CTPS2: variants seen among roughly 807,000 people sequenced by gnomAD.
CTPS2 encodes the protein CTP synthase 2.
In CTPS2, 19 loss-of-function variants were observed where a neutral mutation model predicts 46.8. The ratio of observed to expected loss-of-function variants is 0.41; its 90% confidence interval spans 0.28 to 0.60. CTPS2 has a LOEUF of 0.60. Among genes scored for constraint, CTPS2 ranks in the 20% least tolerant of loss-of-function variants. The probability of loss-of-function intolerance (pLI) is 0.35; values close to 1 mark genes in which losing one functional copy is unlikely to be tolerated. For synonymous variants in CTPS2, 151 were observed against 165.2 expected (o/e 0.91, Z 0.66); for missense variants, 286 against 447.6 (o/e 0.64, Z 3.26).
intron 14 of CTPS2, chrX:16,638,936 T>C (rs1191529939): frequency 3.7e-6 from 2 of 535,147 alleles, no homozygotes; most frequent in African/African-American, 4.5e-5. Context: ...TGTGTTCTAC[T>C]GAGGCCAGCC....
intron 10 of CTPS2, among the ~76,000 whole-genome samples, chrX:16,675,561 C>T (rs748168717): frequency 1.8e-5 from 2 of 111,813 alleles, no homozygotes; most frequent in South Asian, 3.7e-4. Flanking sequence ...AATATGAATT[C>T]GTGTATGTTA....
chrX:16,699,938 T>C (rs1334479257), intron 2 of CTPS2, among the ~76,000 whole-genome samples: 1 of 109,990 alleles, frequency 9.1e-6, no homozygotes, highest in Non-Finnish European at 1.9e-5. Context: ...ATTTTTTTTT[T>C]CAATGTTTTT....
chrX:16,631,140 G>A (rs2147225507), intron 14 of CTPS2, among the ~76,000 whole-genome samples: 1 of 111,623 alleles, frequency 9.0e-6, no homozygotes, highest in African/African-American at 3.3e-5. Flanking sequence ...CCTGAGGTCA[G>A]AAGTTTGAGA....
intron 10 of CTPS2, among the ~76,000 whole-genome samples, chrX:16,676,839 A>G (rs1255931215): frequency 9.0e-6 from 1 of 111,254 alleles, no homozygotes; most frequent in African/African-American, 3.3e-5. Flanking sequence ...AGGCGGGTGG[A>G]TAACGAGGTC....
intron 8 of CTPS2, among the ~76,000 whole-genome samples, chrX:16,685,942 C>T (rs1324530733): frequency 1.8e-5 from 2 of 108,882 alleles, no homozygotes; most frequent in Non-Finnish European, 3.8e-5. Context: ...ACTTCGGGTC[C>T]CAGGCAAGCT....
Position 16,609,709 on chromosome X carries a change from C to T in CTPS2, c.1547-24G>A, listed in dbSNP as rs762481933. On this transcript the variant is annotated intron_variant, in intron 16 of 18. Coordinates refer to ENST00000359276, the MANE Select transcript of CTPS2 (RefSeq NM_175859.3). ...ATCTGAAATGAGAACAATCACGATG[C>T]GATTAAAGCAGACAAACAGGAGAAC... 20 of 1,174,913 alleles carry T rather than the reference C, an allele frequency of 1.7e-5. No homozygotes were observed. The South Asian group carries it at 2.8e-4, about 16-fold the overall frequency.
chrX:16,644,711 T>G (rs1251434246), intron 13 of CTPS2, among the ~76,000 whole-genome samples: 2 of 112,283 alleles, frequency 1.8e-5, no homozygotes, highest in African/African-American at 3.2e-5. Context: ...CCAACCCACT[T>G]TATATCTCTG....
intron 1 of CTPS2, among the ~76,000 whole-genome samples, chrX:16,704,781 C>G (rs1015474822): frequency 9.1e-6 from 1 of 110,378 alleles, no homozygotes; most frequent in African/African-American, 3.3e-5. Context: ...AACCCCGTCT[C>G]TACTAAAAAT....
At chrX:16,651,941 C>T (rs1056734102) in intron 13 of CTPS2, among the ~76,000 whole-genome samples, 5 of 109,062 alleles carry the variant, frequency 4.6e-5, no homozygotes, top group Non-Finnish European at 7.6e-5. Flanking sequence ...ACCACTGAAA[C>T]GTGTTCTTGC....
chrX:16,703,429 C>T (rs1323008434), intron 1 of CTPS2, among the ~76,000 whole-genome samples: 1 of 110,134 alleles, frequency 9.1e-6, no homozygotes, highest in Non-Finnish European at 1.9e-5. Flanking sequence ...CTTCTGGGCT[C>T]AAGCAATCCT....
At chrX:16,590,054 G>T (rs926208380) in intron 18 of CTPS2, among the ~76,000 whole-genome samples, 1 of 112,046 alleles carries the variant, frequency 8.9e-6, no homozygotes, top group Non-Finnish European at 1.9e-5. Flanking sequence ...GGCAATCCAG[G>T]CACTATCTGC....
intron 17 of CTPS2, among the ~76,000 whole-genome samples, chrX:16,596,242 C>T (rs764116334): frequency 8.0e-4 from 87 of 108,949 alleles, no homozygotes; most frequent in African/African-American, 2.9e-3. Flanking sequence ...GCACAATGTG[C>T]AGGTTAGTTA....
intron 14 of CTPS2, among the ~76,000 whole-genome samples, chrX:16,629,179 G>C (rs1931330494): frequency 8.9e-6 from 1 of 112,547 alleles, no homozygotes; most frequent in Non-Finnish European, 1.9e-5. Flanking sequence ...AAGTGATGAG[G>C]ACAAGTGCTT....
At chrX:16,600,028 C>A (rs919151589) in intron 17 of CTPS2, among the ~76,000 whole-genome samples, 1 of 112,365 alleles carries the variant, frequency 8.9e-6, no homozygotes, top group African/African-American at 3.2e-5. Context: ...ATCCGCCCGC[C>A]TCGGCTTCCC....
At chrX:16,710,967 A>G (rs1925424166) in intron 1 of CTPS2, among the ~76,000 whole-genome samples, 1 of 112,256 alleles carries the variant, frequency 8.9e-6, no homozygotes, top group African/African-American at 3.2e-5. Flanking sequence ...TCAAAGGTTC[A>G]GGGAAAGGCT....
chrX:16,703,572 A>G (rs927494168), intron 1 of CTPS2, among the ~76,000 whole-genome samples: 4 of 111,605 alleles, frequency 3.6e-5, no homozygotes, highest in Admixed American at 1.9e-4. Flanking sequence ...GGCTCAAGCA[A>G]TCCTCTTGCC....
chrX:16,680,499 G>A (rs966951327), intron 9 of CTPS2, among the ~76,000 whole-genome samples: 13 of 103,278 alleles, frequency 1.3e-4, no homozygotes, highest in African/African-American at 4.7e-4. Context: ...AGGTTGCAGT[G>A]AGCCAAGATC....
intron 7 of CTPS2, among the ~76,000 whole-genome samples, chrX:16,691,092 G>A (rs1456452691): frequency 2.7e-5 from 3 of 112,388 alleles, no homozygotes; most frequent in Admixed American, 9.4e-5. Context: ...TGAGGCGGGC[G>A]GATCATCTGA....
intron 17 of CTPS2, among the ~76,000 whole-genome samples, chrX:16,591,632 A>G (rs1928906234): frequency 9.0e-6 from 1 of 111,263 alleles, no homozygotes; most frequent in African/African-American, 3.3e-5. Context: ...TCTAACCATA[A>G]CAGCCCCCAC....
Sources: allele counts gnomAD v4.1 joint callset (sites outside exome capture counted in the v4.1 genomes callset), GRCh38; gene constraint gnomAD v4.1.1; transcripts MANE v1.5; gene names NCBI Gene and HGNC (gene_info 2026-07-23, HGNC 2026-07-21).